Variants in TMEM117 observed in about 807,000 individuals in gnomAD.
TMEM117 encodes transmembrane protein 117.
TMEM117 carries 27 observed loss-of-function variants against 52.4 expected under a neutral mutation model. The observed-to-expected ratio is 0.51, with a 90% CI of 0.38 to 0.71. The LOEUF is 0.71. Among genes scored for constraint, TMEM117 ranks in the 30% least tolerant of loss-of-function variants. The probability of loss-of-function intolerance (pLI) is 0.00; values close to 1 mark genes in which losing one functional copy is unlikely to be tolerated. For missense variants in TMEM117, 556 were observed against 630.5 expected, an observed-to-expected ratio of 0.88 and a Z score of 1.26; for synonymous variants, 215 against 206.3, an observed-to-expected ratio of 1.04 and a Z score of -0.36.
chr12:43,894,805 T>C (rs938893022), intron 2 of TMEM117, among the ~76,000 whole-genome samples: 4 of 152,222 alleles, frequency 2.6e-5, no homozygotes, highest in Admixed American at 6.5e-5. Flanking sequence ...ATGGACATTC[T>C]GGTTGATTCC....
intron 3 of TMEM117, among the ~76,000 whole-genome samples, chr12:44,034,970 C>T (rs1018350685): frequency 2.0e-5 from 3 of 152,174 alleles, no homozygotes; most frequent in African/African-American, 4.8e-5. Context: ...TGTTGCTTCT[C>T]GCCTTAAGCT....
intron 6 of TMEM117, among the ~76,000 whole-genome samples, chr12:44,329,788 TCAC>T (rs1951244113): frequency 6.6e-6 from 1 of 152,114 alleles, no homozygotes; most frequent in Non-Finnish European, 1.5e-5. Flanking sequence ...CTGGCTTACT[TCAC>T]TTAGCATATG....
At chr12:43,968,702 T>TA (rs201978899) in intron 3 of TMEM117, among the ~76,000 whole-genome samples, 87 of 146,988 alleles carry the variant, frequency 5.9e-4, no homozygotes, top group Admixed American at 1.2e-3. Flanking sequence ...TTTGCAGAAT[T>TA]AAAAAAAAAA....
chr12:43,797,359 G>T, the TMEM117 span: 4 of 1,605,574 alleles, frequency 2.5e-6, no homozygotes, highest in East Asian at 6.7e-5. Context: ...AAATGGTAAC[G>T]AGCTGAATCC....
At chr12:44,332,851 C>CTG (rs528363075) in intron 6 of TMEM117, among the ~76,000 whole-genome samples, 5 of 151,774 alleles carry the variant, frequency 3.3e-5, no homozygotes, top group Non-Finnish European at 7.4e-5. Flanking sequence ...GTATAATTCT[C>CTG]TGTGTGTGTG....
intron 5 of TMEM117, 152 bp from the exon 6 acceptor site, chr12:44,299,428 C>T (rs771804446): frequency 1.5e-4 from 145 of 999,168 alleles, no homozygotes; most frequent in Admixed American, 3.7e-4. Context: ...CCACCATGCC[C>T]GGCCAACTTT....
intron 5 of TMEM117, among the ~76,000 whole-genome samples, chr12:44,294,987 G>A (rs1231940144): frequency 1.3e-5 from 2 of 152,140 alleles, no homozygotes; most frequent in East Asian, 3.9e-4. Context: ...CTACTGTAAT[G>A]TGTCTCAGAA....
the TMEM117 span, among the ~76,000 whole-genome samples, chr12:43,829,256 C>A: frequency 6.6e-6 from 1 of 152,316 alleles, no homozygotes; most frequent in African/African-American, 2.4e-5. Flanking sequence ...ATTTCTGTAG[C>A]CTTTATGGTC....
intron 3 of TMEM117, among the ~76,000 whole-genome samples, chr12:44,107,071 C>T (rs1947968511): frequency 6.6e-6 from 1 of 151,990 alleles, no homozygotes; most frequent in South Asian, 2.1e-4. Context: ...GAACAATACT[C>T]AATTTATTGA....
the TMEM117 span, chr12:43,805,794 T>C: frequency 7.4e-7 from 1 of 1,358,914 alleles, no homozygotes; most frequent in Non-Finnish European, 9.7e-7. Context: ...CAAAGTCCTG[T>C]AATATTCTCC....
intron 5 of TMEM117, among the ~76,000 whole-genome samples, chr12:44,214,732 C>T (rs976423390): frequency 6.6e-6 from 1 of 152,016 alleles, no homozygotes; most frequent in Non-Finnish European, 1.5e-5. Flanking sequence ...AACTGAAGAA[C>T]AATTTAAATG....
intron 2 of TMEM117, among the ~76,000 whole-genome samples, chr12:43,898,619 T>A (rs1228932168): frequency 6.6e-6 from 1 of 152,094 alleles, no homozygotes; most frequent in Non-Finnish European, 1.5e-5. Context: ...AGTGAGTTAA[T>A]CTCATTGACC....
chr12:44,283,331 A>T (rs1950600671), intron 5 of TMEM117, among the ~76,000 whole-genome samples: 2 of 152,096 alleles, frequency 1.3e-5, no homozygotes, highest in Non-Finnish European at 2.9e-5. Context: ...AAAGCCACAA[A>T]CACTGAACGC....
At chr12:44,007,694 G>T (rs1313192421) in intron 3 of TMEM117, among the ~76,000 whole-genome samples, 1 of 152,046 alleles carries the variant, frequency 6.6e-6, no homozygotes, top group Non-Finnish European at 1.5e-5. Flanking sequence ...GTAGTGGGAG[G>T]GACCCAGTGG....
rs1053637046 is a variant in TMEM117 at position 44,275,566 on chromosome 12, A to G, written c.609-24014A>G. 2.0e-5 allele frequency among the ~76,000 whole-genome samples: 3 copies of G among 152,240 alleles called. No homozygotes were observed. In the East Asian group the frequency reaches 5.8e-4, roughly 29 times the overall value. On this transcript the variant is annotated intron_variant, in intron 5 of 7. Transcript: ENST00000266534. ...AATGTAAGTGTTCATCAACAGATGA[A>G]CAGATAAAGAAAATGTGGTACATAT...
chr12:44,163,366 TA>T (rs756040412), intron 4 of TMEM117, among the ~76,000 whole-genome samples: 3 of 152,212 alleles, frequency 2.0e-5, no homozygotes, highest in Non-Finnish European at 4.4e-5. Flanking sequence ...TGTTTTATTT[TA>T]TTTTATTTTT....
At chr12:43,882,460 CAA>C (rs57833998) in intron 2 of TMEM117, among the ~76,000 whole-genome samples, 6 of 117,208 alleles carry the variant, frequency 5.1e-5, no homozygotes, top group Non-Finnish European at 6.7e-5. Flanking sequence ...AACTTCATCT[CAA>C]AAAAAAAAAA....
intron 3 of TMEM117, among the ~76,000 whole-genome samples, chr12:44,107,517 C>G (rs1266202820): frequency 3.9e-5 from 6 of 152,012 alleles, no homozygotes; most frequent in Non-Finnish European, 7.4e-5. Flanking sequence ...TTCACTGTGT[C>G]ACTGTATTTT....
intron 3 of TMEM117, among the ~76,000 whole-genome samples, chr12:44,010,865 G>A (rs1946278995): frequency 6.6e-6 from 1 of 152,100 alleles, no homozygotes; most frequent in Admixed American, 6.6e-5. Flanking sequence ...ATACACATGA[G>A]CATACATAAT....
Sources: gnomAD v4.1 joint callset for allele counts (sites outside exome capture counted in the v4.1 genomes callset) on GRCh38, gnomAD v4.1.1 for gene constraint, MANE v1.5 for transcripts, NCBI Gene and HGNC (gene_info 2026-07-23, HGNC 2026-07-21) for gene names.